The following CLRN2 variants were observed in gnomAD, a reference collection of about 807,000 sequenced individuals.
CLRN2 encodes clarin-2.
In CLRN2, 17 loss-of-function variants were observed where a neutral mutation model predicts 20.1. The ratio of observed to expected loss-of-function variants is 0.85; its 90% confidence interval spans 0.58 to 1.27. The LOEUF is 1.27. Among genes scored for constraint, CLRN2 ranks in the 50% most tolerant of loss-of-function variants. The pLI, the probability that CLRN2 is intolerant of heterozygous loss-of-function variation, is 0.00. For missense variants in CLRN2, 288 were observed against 299.5 expected (o/e 0.96, Z 0.28); for synonymous variants, 140 against 126.9 (o/e 1.10, Z -0.70).
Position 17,522,994 on chromosome 4 carries a change from C to A in CLRN2, c.384C>A (p.Tyr128Ter). The change falls in exon 2 of 3, where the codon TAC becomes TAA. Residue 128 changes from tyrosine to a stop codon, truncating the protein, a stop_gained. Coordinates refer to ENST00000511148, the MANE Select transcript of CLRN2 (RefSeq NM_001079827.2). LOFTEE classifies it high-confidence loss of function. Reference protein sequence around the residue: ...FAILNMIQVPYRAVSGPGGIC... With the variant: ...FAILNMIQVP ...TTCTTAACATGATCCAGGTCCCGTA[C>A]CGGGCAGTCAGCGGTCCTGGGGGCA... 1 of 1,613,788 alleles carries A rather than the reference C, an allele frequency of 6.2e-7. No homozygotes were observed.
At chr4:17,521,036 A>G (rs944280256) in intron 1 of CLRN2, among the ~76,000 whole-genome samples, 4 of 152,172 alleles carry the variant, frequency 2.6e-5, no homozygotes, top group Non-Finnish European at 4.4e-5. Context: ...AAAATAAATA[A>G]ATATCAGCAC....
intron 1 of CLRN2, among the ~76,000 whole-genome samples, chr4:17,516,561 TATA>T (rs1391937930): frequency 6.6e-6 from 1 of 152,170 alleles, no homozygotes; most frequent in African/African-American, 2.4e-5. Flanking sequence ...CGTTGACAAA[TATA>T]ATACAAATTG....
chr4:17,526,282 G>A (rs1393316379), intron 2 of CLRN2, among the ~76,000 whole-genome samples: 2 of 152,186 alleles, frequency 1.3e-5, no homozygotes, highest in Non-Finnish European at 2.9e-5. Context: ...AGAGTGGGCC[G>A]GGTGCGGTGG....
intron 2 of CLRN2, among the ~76,000 whole-genome samples, chr4:17,525,522 C>T (rs540997973): frequency 3.9e-5 from 6 of 152,152 alleles, no homozygotes; most frequent in East Asian, 1.9e-4. Flanking sequence ...TGGTGGCATG[C>T]ACCCATGATC....
At chr4:17,524,688 C>T (rs1238040702) in intron 2 of CLRN2, among the ~76,000 whole-genome samples, 2 of 151,738 alleles carry the variant, frequency 1.3e-5, no homozygotes, top group African/African-American at 4.8e-5. Flanking sequence ...ATAGCACTCT[C>T]AGACTCTACT....
intron 2 of CLRN2, 48 bp downstream of exon 2, chr4:17,523,091 G>A (rs1711873400): frequency 1.3e-6 from 2 of 1,512,130 alleles, no homozygotes; most frequent in South Asian, 1.3e-5. Flanking sequence ...CCATCATAGG[G>A]CTGGGCTCCA....
intron 1 of CLRN2, among the ~76,000 whole-genome samples, chr4:17,517,442 G>A (rs1187907054): frequency 2.0e-5 from 3 of 152,184 alleles, no homozygotes; most frequent in Non-Finnish European, 4.4e-5. Flanking sequence ...AAACTTGAAT[G>A]GGGTGAGAAG....
intron 2 of CLRN2, among the ~76,000 whole-genome samples, chr4:17,524,009 A>G (rs968949141): frequency 2.6e-5 from 4 of 151,738 alleles, no homozygotes; most frequent in Admixed American, 6.6e-5. Context: ...CCACATCCCT[A>G]TGGGAGGTAT....
chr4:17,526,250 C>T (rs931396613), intron 2 of CLRN2, among the ~76,000 whole-genome samples: 7 of 152,112 alleles, frequency 4.6e-5, no homozygotes, highest in Non-Finnish European at 8.8e-5. Flanking sequence ...AAGCATGGTA[C>T]TGGGTAAGGG....
chr4:17,516,243 G>C (rs1415825300), intron 1 of CLRN2, among the ~76,000 whole-genome samples: 1 of 152,226 alleles, frequency 6.6e-6, no homozygotes, highest in Admixed American at 6.5e-5. Context: ...CTGGCATTCA[G>C]TGTAGCATCA....
intron 1 of CLRN2, among the ~76,000 whole-genome samples, chr4:17,522,154 C>T (rs552534262): frequency 2.6e-5 from 4 of 152,146 alleles, no homozygotes; most frequent in South Asian, 2.1e-4. Context: ...AACAAGATGA[C>T]GATGTAAAAT....
chr4:17,526,702 C>A, intron 2 of CLRN2, 115 bp from the exon 3 acceptor site: 1 of 1,204,312 alleles, frequency 8.3e-7, no homozygotes, highest in Non-Finnish European at 1.2e-6. Context: ...AAACTTATGT[C>A]TTCCTCATAA....
chr4:17,518,964 A>G (rs142566683), intron 1 of CLRN2, among the ~76,000 whole-genome samples: 38 of 152,318 alleles, frequency 2.5e-4, no homozygotes, highest in African/African-American at 8.7e-4. Context: ...AAATCGATAC[A>G]TAAAATAATT....
intron 2 of CLRN2, among the ~76,000 whole-genome samples, chr4:17,526,535 G>A (rs569904727): frequency 1.3e-5 from 2 of 152,318 alleles, no homozygotes; most frequent in Admixed American, 6.5e-5. Context: ...ACTCCAGCCT[G>A]GGCAATAGAG....
Position 17,526,822 on chromosome 4 carries a change from G to A in CLRN2, c.439G>A (p.Val147Ile), listed in dbSNP as rs765161806. The A allele has an allele frequency of 8.1e-6, 13 of 1,613,822 alleles. 1 individual carries two copies. In the South Asian group the frequency reaches 1.1e-4, roughly 14 times the overall value. Residue 147 changes from valine (V) to isoleucine (I), a missense_variant, in exon 3 of 3, where the codon GTC becomes ATC. Transcript: ENST00000511148. ...ICLWNVLAGG[V>I]VALAIASFVA... ...GTGACCTTTTTGAGTTTCAGGCGGC[G>A]TCGTGGCGTTAGCCATCGCCAGCTT...
chr4:17,520,493 A>AT (rs1474783543), intron 1 of CLRN2, among the ~76,000 whole-genome samples: 2 of 152,188 alleles, frequency 1.3e-5, no homozygotes, highest in Non-Finnish European at 2.9e-5. Context: ...CTAGAAGTGA[A>AT]TTTGCTTTAG....
At chr4:17,515,903 G>A (rs972355768) in intron 1 of CLRN2, among the ~76,000 whole-genome samples, 2 of 152,182 alleles carry the variant, frequency 1.3e-5, no homozygotes, top group Non-Finnish European at 2.9e-5. Context: ...ATTTTCCAGA[G>A]GAGTACACTG....
At chr4:17,525,729 GA>G (rs1254100846) in intron 2 of CLRN2, among the ~76,000 whole-genome samples, 13 of 152,112 alleles carry the variant, frequency 8.5e-5, no homozygotes, top group Middle Eastern at 3.4e-3. Flanking sequence ...CAAGTGAGGG[GA>G]AAAAAATCAA....
intron 2 of CLRN2, among the ~76,000 whole-genome samples, chr4:17,526,136 G>C (rs999901995): frequency 1.3e-5 from 2 of 152,144 alleles, no homozygotes; most frequent in African/African-American, 4.8e-5. Context: ...AATTAAACAG[G>C]AGAGCAACAG....
Sources: gnomAD v4.1 joint callset for allele counts (sites outside exome capture counted in the v4.1 genomes callset) on GRCh38, gnomAD v4.1.1 for gene constraint, MANE v1.5 for transcripts, NCBI Gene and HGNC (gene_info 2026-07-23, HGNC 2026-07-21) for gene names.